LAMA1: variants seen among roughly 807,000 people sequenced by gnomAD.
The protein encoded by LAMA1 is laminin subunit alpha 1.
Under a neutral mutation model 348.7 loss-of-function variants are expected in LAMA1, and 219 were observed. That is an observed-to-expected ratio of 0.63 (90% CI 0.56 to 0.70). The LOEUF is 0.70. LAMA1 is among the 30% of genes least tolerant of loss of function. The pLI is 0.00. For synonymous variants in LAMA1, 1,487 were observed against 1,491.0 expected, an observed-to-expected ratio of 1.00 and a Z score of 0.06; for missense variants, 3,744 against 3,888.0, an observed-to-expected ratio of 0.96 and a Z score of 0.99.
At chr18:7,033,738 C>G (rs1431311337) in intron 14 of LAMA1, among the ~76,000 whole-genome samples, 1 of 119,154 alleles carries the variant, frequency 8.4e-6, no homozygotes, top group Non-Finnish European at 1.7e-5. Flanking sequence ...TAGATGCATA[C>G]AACTTTTTTT....
intron 6 of LAMA1, among the ~76,000 whole-genome samples, chr18:7,045,087 T>A (rs116047936): frequency 0.018 from 2,795 of 152,256 alleles, 87 homozygotes; most frequent in African/African-American, 0.064. Context: ...AAACTTTTTT[T>A]AAAAATATAC....
intron 1 of LAMA1, among the ~76,000 whole-genome samples, chr18:7,102,040 A>T (rs1037860511): frequency 7.2e-5 from 11 of 152,080 alleles, no homozygotes; most frequent in Non-Finnish European, 1.3e-4. Context: ...ATTATTTTGG[A>T]TTTATTTTAA....
At chr18:6,973,034 C>CA in intron 47 of LAMA1, 23 bp downstream of exon 47, 1 of 1,613,668 alleles carries the variant, frequency 6.2e-7, no homozygotes, top group South Asian at 1.1e-5. Context: ...CAGTCCTGTT[C>CA]AGAAGAACTT....
chr18:6,971,144 C>T (rs908604930), intron 48 of LAMA1, among the ~76,000 whole-genome samples: 1 of 152,054 alleles, frequency 6.6e-6, no homozygotes, highest in African/African-American at 2.4e-5. Context: ...CAATTTATGT[C>T]TTAATTACTA....
Position 7,013,922 on chromosome 18 carries a change from C to G in LAMA1, c.3256G>C (p.Asp1086His), listed in dbSNP as rs201831309. The change falls in exon 23 of 63, where the codon GAC becomes CAC. Residue 1086 changes from aspartate (D) to histidine (H), a missense_variant. This residue lies in a region of LAMA1 where 1,529 missense variants were observed against 1,689.4 expected (regional missense o/e 0.91). Transcript: ENST00000389658. ...AGGTCACAGTCACAGGGAACACAGTCGGGAAAGTCTCTGTAACCCAAGGAA... is the reference window on the plus strand; with the variant it reads ...AGGTCACAGTCACAGGGAACACAGTGGGGAAAGTCTCTGTAACCCAAGGAA... ...QCSLGYRDFP[D>H]CVPCDCDLRG... The G allele has an allele frequency of 6.2e-7, 1 of 1,613,720 alleles. No homozygotes were observed. The highest frequency in any genetic ancestry group is 8.5e-7 in the Non-Finnish European group (1 of 1,179,784).
intron 12 of LAMA1, 93 bp from the exon 13 acceptor site, chr18:7,036,181 A>C: frequency 1.2e-6 from 1 of 835,040 alleles, no homozygotes; most frequent in South Asian, 1.4e-5. Flanking sequence ...CCATCTGCAA[A>C]CAACTAGGCT....
intron 53 of LAMA1, chr18:6,959,745 A>G (rs796663425): frequency 7.8e-5 from 36 of 459,128 alleles, no homozygotes; most frequent in African/African-American, 6.7e-4. Flanking sequence ...CCTCATATTT[A>G]TGGTTTATTG....
chr18:7,031,228 C>T (rs1201208054), intron 16 of LAMA1, among the ~76,000 whole-genome samples: 1 of 152,088 alleles, frequency 6.6e-6, no homozygotes, highest in Non-Finnish European at 1.5e-5. Context: ...TACAGCTGAT[C>T]AGCATATGCA....
intron 1 of LAMA1, among the ~76,000 whole-genome samples, chr18:7,097,894 C>G (rs918071743): frequency 6.6e-6 from 1 of 151,238 alleles, no homozygotes; most frequent in Non-Finnish European, 1.5e-5. Context: ...TTTCCACGGT[C>G]TCCCTCTCAT....
intron 29 of LAMA1, among the ~76,000 whole-genome samples, chr18:7,004,353 C>T (rs939018241): frequency 3.3e-5 from 5 of 152,124 alleles, no homozygotes; most frequent in African/African-American, 9.7e-5. Context: ...TACTTCCAAT[C>T]AATCACTTTT....
At chr18:6,995,740 T>C (rs4127404) in intron 33 of LAMA1, among the ~76,000 whole-genome samples, 38,496 of 152,038 alleles carry the variant, frequency 0.25, 5,711 homozygotes, top group African/African-American at 0.41. Flanking sequence ...TTTATCTCAA[T>C]AGCAGAGTCA....
At chr18:7,007,805 T>A (rs113760992) in intron 28 of LAMA1, among the ~76,000 whole-genome samples, 2,181 of 152,258 alleles carry the variant, frequency 0.014, 54 homozygotes, top group African/African-American at 0.05. Flanking sequence ...TATTCAGCCT[T>A]AAAAAGGAGG....
intron 42 of LAMA1, among the ~76,000 whole-genome samples, chr18:6,979,779 G>A (rs549322384): frequency 1.3e-5 from 2 of 151,906 alleles, no homozygotes; most frequent in African/African-American, 4.8e-5. Context: ...GGCGCCTGTA[G>A]TCCCAGCTAC....
chr18:7,116,587 C>A (rs754502462), intron 1 of LAMA1, among the ~76,000 whole-genome samples: 12 of 152,154 alleles, frequency 7.9e-5, no homozygotes, highest in African/African-American at 2.7e-4. Flanking sequence ...CCGCCCACTA[C>A]TTTTGACTCG....
chr18:7,014,560 TACAGTGAGCTTTGAGG>T (rs1568031359), intron 22 of LAMA1, among the ~76,000 whole-genome samples: 2 of 40,546 alleles, frequency 4.9e-5, no homozygotes, highest in African/African-American at 7.6e-5. Context: ...AGGTCAAGGA[TACAGTGAGCTTTGAGG>T]ATACAGTGAG....
rs1208557200 is a variant in LAMA1, at chr18:6,964,770, C to A, written c.7229G>T (p.Ser2410Ile). ...CTCGCCCTGCTTGGTTTCTTTATTA[C>A]TGGTGTTATAGGCATCGATAACTGC... ...VLAVIDAYNT[S>I]NKETKQGETP... Residue 2410 changes from serine (S) to isoleucine (I), a missense_variant, in exon 51 of 63, where the codon AGT becomes ATT. By Grantham distance (142) the Ser-to-Ile change is moderately radical (BLOSUM62 -2). Around this residue, in one of 3 missense-constraint regions of LAMA1, gnomAD observed 1,983 missense variants for 1,934.3 expected, o/e 1.03. Coordinates refer to ENST00000389658, the MANE Select transcript of LAMA1 (RefSeq NM_005559.4). The A allele has an allele frequency of 3.1e-6, 5 of 1,613,996 alleles. No individual in the cohort carries two copies. The African/African-American group carries it at 6.7e-5, about 22-fold the overall frequency.
chr18:6,985,296 C>T lies in LAMA1; in HGVS notation c.5601G>A (p.Leu1867=). The T allele has an allele frequency of 6.2e-7, 1 of 1,614,184 alleles. No individual in the cohort carries two copies. The highest frequency in any genetic ancestry group is 1.1e-5 in the South Asian group (1 of 91,084). Residue 1867 remains leucine, a synonymous_variant, in exon 39 of 63, where the codon CTG becomes CTA. Coordinates refer to ENST00000389658, the MANE Select transcript of LAMA1 (RefSeq NM_005559.4). ...CGGCATGGTCCTCAGCTCTGTAGAC[C>T]AGGTCGACTGCGTTCCTTTGGGACA... The part of the protein sequence containing the change: ...MHMSQRNAVD[L]VYRAEDHAAE...
chr18:7,011,720 C>T (rs768628291), intron 24 of LAMA1, among the ~76,000 whole-genome samples: 18 of 152,192 alleles, frequency 1.2e-4, no homozygotes, highest in Non-Finnish European at 2.1e-4. Context: ...ATGCAGAAGA[C>T]GGCTGAGATT....
chr18:7,097,617 T>C (rs2058267518), intron 1 of LAMA1, among the ~76,000 whole-genome samples: 1 of 151,762 alleles, frequency 6.6e-6, no homozygotes, highest in Admixed American at 6.6e-5. Context: ...TTACACTACC[T>C]ATTTCAAAAC....
Sources: gnomAD v4.1 joint callset for allele counts (sites outside exome capture counted in the v4.1 genomes callset) on GRCh38, gnomAD v4.1.1 for gene constraint, gnomAD v4.1.1 regional missense constraint, MANE v1.5 for transcripts, NCBI Gene and HGNC (gene_info 2026-07-23, HGNC 2026-07-21) for gene names.